Variants in ENPP6 observed in about 807,000 individuals in gnomAD.
ENPP6 encodes ectonucleotide pyrophosphatase/phosphodiesterase 6, also known as glycerophosphocholine cholinephosphodiesterase ENPP6.
ENPP6 carries 32 observed loss-of-function variants against 42.0 expected under a neutral mutation model. The observed-to-expected ratio is 0.76, with a 90% CI of 0.58 to 1.02. The LOEUF (loss-of-function observed/expected upper bound fraction) is 1.02, where lower values mean the gene tolerates loss of function less well. ENPP6 is among the 50% of genes least tolerant of loss of function. The pLI, the probability that ENPP6 is intolerant of heterozygous loss-of-function variation, is 0.00. For synonymous variants in ENPP6, 213 were observed against 216.0 expected, an observed-to-expected ratio of 0.99 and a Z score of 0.12; for missense variants, 552 against 566.8, an observed-to-expected ratio of 0.97 and a Z score of 0.27.
rs561482510 is a variant in ENPP6, at chr4:184,127,149, CAT to C, written c.422-2879_422-2878del. Among the ~76,000 whole-genome samples, 815 of 152,050 alleles carry C rather than the reference CAT, an allele frequency of 5.4e-3. 3 individuals are homozygous for C. Among genetic ancestry groups the C allele is most frequent in the Middle Eastern group, 0.014 (4 of 292 alleles). Reference sequence around the variant, plus strand: ...CTTTACAACATACGTAAAAGTAAAACATATGACAGTAAGAATATAAAAAGTGC... The same window carrying C: ...CTTTACAACATACGTAAAAGTAAAACATGACAGTAAGAATATAAAAAGTGC... On this transcript the variant is annotated intron_variant, in intron 2 of 7. Coordinates refer to ENST00000296741, the MANE Select transcript of ENPP6 (RefSeq NM_153343.4).
intron 2 of ENPP6, among the ~76,000 whole-genome samples, chr4:184,145,804 C>T (rs1038949443): frequency 7.2e-5 from 11 of 152,184 alleles, no homozygotes; most frequent in South Asian, 2.1e-4. Flanking sequence ...TGAAAACCTC[C>T]GATAGATGTG....
intron 2 of ENPP6, among the ~76,000 whole-genome samples, chr4:184,144,539 G>A (rs80297273): frequency 0.038 from 5,730 of 152,300 alleles, 251 homozygotes; most frequent in African/African-American, 0.1. Context: ...TCTCTGGAGA[G>A]ACCCCTCTTT....
intron 5 of ENPP6, among the ~76,000 whole-genome samples, chr4:184,114,602 G>A (rs1257048203): frequency 6.6e-6 from 1 of 152,080 alleles, no homozygotes; most frequent in Admixed American, 6.5e-5. Context: ...GCCCAAACAT[G>A]GCCCCCGCTT....
chr4:184,094,524 C>T (rs1281691961), intron 7 of ENPP6, among the ~76,000 whole-genome samples: 1 of 152,262 alleles, frequency 6.6e-6, no homozygotes, highest in Non-Finnish European at 1.5e-5. Context: ...AATGAGAAAG[C>T]TTTTAGAAAA....
At chr4:184,154,174 A>G (rs984008716) in intron 1 of ENPP6, among the ~76,000 whole-genome samples, 10 of 152,218 alleles carry the variant, frequency 6.6e-5, no homozygotes, top group African/African-American at 2.4e-4. Flanking sequence ...CCTTTCTTAA[A>G]TAAGAGGAGT....
intron 6 of ENPP6, among the ~76,000 whole-genome samples, chr4:184,104,635 T>C (rs995390855): frequency 6.6e-6 from 1 of 152,256 alleles, no homozygotes; most frequent in Non-Finnish European, 1.5e-5. Context: ...AAATTTCTTC[T>C]GGGGCTACTA....
At chr4:184,198,231 C>A (rs1481099726) in intron 1 of ENPP6, among the ~76,000 whole-genome samples, 1 of 152,234 alleles carries the variant, frequency 6.6e-6, no homozygotes, top group Non-Finnish European at 1.5e-5. Flanking sequence ...AAAGCCCAGG[C>A]CCTGGCTCTG....
Position 184,204,796 on chromosome 4 carries a change from A to T in ENPP6, c.241+12783T>A, listed in dbSNP as rs1306833566. Among the ~76,000 whole-genome samples, 9 of 152,306 alleles carry T rather than the reference A, an allele frequency of 5.9e-5. No individual in the cohort carries two copies. In the East Asian group the frequency reaches 1.5e-3, roughly 26 times the overall value. On this transcript the variant is annotated intron_variant, in intron 1 of 7. Coordinates refer to ENST00000296741, the MANE Select transcript of ENPP6 (RefSeq NM_153343.4). ...AGGGTAATCAGTTCACTAAATGCAAATTGCTTTCATATGAGCAAAGCATGA... is the reference window on the plus strand; with the variant it reads ...AGGGTAATCAGTTCACTAAATGCAATTTGCTTTCATATGAGCAAAGCATGA...
chr4:184,146,796 G>T (rs1448670005), intron 2 of ENPP6, among the ~76,000 whole-genome samples: 2 of 152,198 alleles, frequency 1.3e-5, no homozygotes, highest in East Asian at 3.9e-4. Context: ...ACCTCCCCTT[G>T]CTTTTCACAG....
At chr4:184,200,263 T>C (rs1732870265) in intron 1 of ENPP6, among the ~76,000 whole-genome samples, 1 of 152,188 alleles carries the variant, frequency 6.6e-6, no homozygotes, top group South Asian at 2.1e-4. Context: ...GAGGACCCCA[T>C]TGACCAGCGT....
chr4:184,100,537 A>G (rs935826714), intron 6 of ENPP6, among the ~76,000 whole-genome samples: 12 of 152,106 alleles, frequency 7.9e-5, no homozygotes, highest in Non-Finnish European at 1.3e-4. Context: ...GTGAGAAAAA[A>G]GGGTAGAGGG....
chr4:184,180,511 AG>A (rs1732534757), intron 1 of ENPP6, among the ~76,000 whole-genome samples: 1 of 152,018 alleles, frequency 6.6e-6, no homozygotes, highest in African/African-American at 2.4e-5. Context: ...TCATTTTATG[AG>A]GCCAGCATCA....
chr4:184,112,963 T>C (rs1274488389), intron 5 of ENPP6, among the ~76,000 whole-genome samples, 154 bp from the exon 6 acceptor site: 1 of 152,220 alleles, frequency 6.6e-6, no homozygotes, highest in Non-Finnish European at 1.5e-5. Context: ...AAAAAACTTT[T>C]GTCTGTCTCA....
At chr4:184,091,493 G>T in intron 7 of ENPP6, 111 bp from the exon 8 acceptor site, 1 of 993,580 alleles carries the variant, frequency 1.0e-6, no homozygotes, top group Non-Finnish European at 1.5e-6. Context: ...TGAGATTAGG[G>T]AATCAGCTCC....
rs570832499 is a variant in ENPP6 at position 184,170,530 on chromosome 4, G to A, written c.242-16797C>T. Among the ~76,000 whole-genome samples the A allele has an allele frequency of 1.3e-4, 20 of 151,602 alleles. 2 individuals carry two copies. Among genetic ancestry groups the A allele is most frequent in the Admixed American group, 1.1e-3 (17 of 15,226 alleles). ...AGTGTCTTTTAACTGATAATGGTTC[G>A]CCTCCATTTTATTAATTCTTGTCTA... On this transcript the variant is annotated intron_variant, in intron 1 of 7. Transcript: ENST00000296741.
chr4:184,152,176 G>A (rs1317197223), intron 2 of ENPP6, among the ~76,000 whole-genome samples: 4 of 152,176 alleles, frequency 2.6e-5, no homozygotes, highest in African/African-American at 9.7e-5. Context: ...TGTACGGTGC[G>A]CGCCACGCCG....
intron 6 of ENPP6, among the ~76,000 whole-genome samples, chr4:184,097,691 A>C (rs1405624053): frequency 6.6e-6 from 1 of 152,218 alleles, no homozygotes; most frequent in Non-Finnish European, 1.5e-5. Context: ...GGTGTCATAA[A>C]AATGTATTTG....
chr4:184,110,425 G>A (rs796677540), intron 6 of ENPP6, among the ~76,000 whole-genome samples: 3 of 152,170 alleles, frequency 2.0e-5, no homozygotes, highest in Non-Finnish European at 4.4e-5. Context: ...TCATGTGTGT[G>A]AACTTCTTCC....
In ENPP6 at chr4:184,170,445, G is replaced by GAAA. The variant is rs35346469; in HGVS notation, c.242-16715_242-16713dup. On this transcript the variant is annotated intron_variant, in intron 1 of 7. Transcript: ENST00000296741. ...ACTCTGTCTCAAAAAAGAAAAGAAG[G>GAAA]AAAAAAAAAAAAAGAATCAGCATTC... Among the ~76,000 whole-genome samples, 349 of 143,566 alleles carry GAAA rather than the reference G, an allele frequency of 2.4e-3. 12 individuals carry two copies. The South Asian group carries it at 0.061, about 25-fold the overall frequency. The allele number at this position is 143,566 out of a possible 152,430, so 94.2% of individuals were successfully genotyped here.
Sources: allele counts gnomAD v4.1 joint callset (sites outside exome capture counted in the v4.1 genomes callset), GRCh38; gene constraint gnomAD v4.1.1; transcripts MANE v1.5; gene names NCBI Gene and HGNC (gene_info 2026-07-23, HGNC 2026-07-21).